KIAA1549L: variants seen among roughly 807,000 people sequenced by gnomAD.
KIAA1549L encodes the protein KIAA1549 like.
A neutral mutation model predicts 160.7 loss-of-function variants in KIAA1549L; 88 were observed. The ratio of observed to expected loss-of-function variants is 0.55; its 90% CI spans 0.46 to 0.65. KIAA1549L has a LOEUF of 0.65. Ranked by LOEUF, KIAA1549L falls within the 30% of genes least tolerant of loss-of-function variation. The pLI, the probability that KIAA1549L is intolerant of heterozygous loss-of-function variation, is 0.00. For synonymous variants in KIAA1549L, 950 were observed against 976.7 expected (o/e 0.97, Z 0.51); for missense variants, 2,258 against 2,437.5 (o/e 0.93, Z 1.55).
At chr11:33,529,017 A>G (rs1312530741) in intron 1 of KIAA1549L, among the ~76,000 whole-genome samples, 1 of 152,220 alleles carries the variant, frequency 6.6e-6, no homozygotes, top group Admixed American at 6.5e-5. Flanking sequence ...TAAAAAAGAA[A>G]AAGTTGACCA....
At chr11:33,534,915 C>T (rs1338979166) in intron 1 of KIAA1549L, among the ~76,000 whole-genome samples, 1 of 152,150 alleles carries the variant, frequency 6.6e-6, no homozygotes, top group Non-Finnish European at 1.5e-5. Flanking sequence ...TATTAGTTTT[C>T]TATTGCTATG....
intron 1 of KIAA1549L, among the ~76,000 whole-genome samples, chr11:33,383,464 C>G (rs551449584): frequency 1.3e-5 from 2 of 152,030 alleles, no homozygotes; most frequent in Non-Finnish European, 2.9e-5. Context: ...GACTTCAGGA[C>G]CAAAGGAGCA....
intron 17 of KIAA1549L, among the ~76,000 whole-genome samples, chr11:33,653,925 C>T (rs532653591): frequency 3.3e-5 from 5 of 151,236 alleles, no homozygotes; most frequent in Non-Finnish European, 4.4e-5. Context: ...AAGTTCTATT[C>T]TTTTTCAAAT....
chr11:33,411,732 G>A (rs897664059), intron 1 of KIAA1549L, among the ~76,000 whole-genome samples: 2 of 152,184 alleles, frequency 1.3e-5, no homozygotes, highest in African/African-American at 2.4e-5. Context: ...TCCAGCTATC[G>A]TGGAGTGTAT....
intron 16 of KIAA1549L, among the ~76,000 whole-genome samples, chr11:33,638,432 A>AT (rs1295932939): frequency 1.6e-4 from 3 of 19,146 alleles, no homozygotes; most frequent in East Asian, 4.1e-3. Flanking sequence ...TAAAAAAAAA[A>AT]AAAATAAATA....
At chr11:33,560,765 T>C (rs943865727) in intron 7 of KIAA1549L, among the ~76,000 whole-genome samples, 1 of 152,236 alleles carries the variant, frequency 6.6e-6, no homozygotes, top group Non-Finnish European at 1.5e-5. Flanking sequence ...CCTTCTGTAG[T>C]TGTTTTTGAT....
chr11:33,379,643 T>A (rs1233844957), intron 1 of KIAA1549L, among the ~76,000 whole-genome samples: 1 of 152,218 alleles, frequency 6.6e-6, no homozygotes, highest in Non-Finnish European at 1.5e-5. Flanking sequence ...ACAGGGATAG[T>A]GCTCATCTGT....
chr11:33,633,139 C>CTTTTTTTTTTTTTTT lies in KIAA1549L; in HGVS notation c.5410-12530_5410-12516dup, dbSNP rs56310347. Among the ~76,000 whole-genome samples, 17 of 50,732 alleles carry CTTTTTTTTTTTTTTT rather than the reference C, an allele frequency of 3.4e-4. 2 individuals are homozygous for CTTTTTTTTTTTTTTT. Among genetic ancestry groups the CTTTTTTTTTTTTTTT allele is most frequent in the African/African-American group, 9.3e-4 (11 of 11,778 alleles). 33.3% of individuals were successfully genotyped at this position (50,732 alleles called of 152,430 possible). On this transcript the variant is annotated intron_variant, in intron 16 of 20. Transcript: ENST00000658780. ...GACAGGTGCCCACCACCATGCCCAGCTTTTTTTTTTTTTTTTTTTTTTTTT... is the reference window on the plus strand; with the variant it reads ...GACAGGTGCCCACCACCATGCCCAGCTTTTTTTTTTTTTTTTTTTTTTTTTTTTTTTTTTTTTTTT...
intron 1 of KIAA1549L, among the ~76,000 whole-genome samples, chr11:33,432,611 A>G (rs1316446877): frequency 1.3e-5 from 2 of 152,172 alleles, no homozygotes; most frequent in Admixed American, 1.3e-4. Context: ...AGACAAAAAT[A>G]TGGGCATTCT....
rs75380541 is a variant in KIAA1549L at position 33,493,595 on chromosome 11, G to A, written c.239-48207G>A. Among the ~76,000 whole-genome samples, 1,071 of 152,286 alleles carry A rather than the reference G, an allele frequency of 7.0e-3. 16 individuals are homozygous for A. The highest frequency in any genetic ancestry group is 0.025 in the African/African-American group (1,033 of 41,552). ...TGTTTCCTATAGGGGAGAAAAGGAC[G>A]TGCATTTGTGTATCAACTAAATTGT... On this transcript the variant is annotated intron_variant, in intron 1 of 20. Transcript: ENST00000658780.
chr11:33,403,835 A>G (rs1285741164), intron 1 of KIAA1549L, among the ~76,000 whole-genome samples: 1 of 152,160 alleles, frequency 6.6e-6, no homozygotes, highest in East Asian at 1.9e-4. Flanking sequence ...ACTGTTCTTG[A>G]GGAGAGAGCT....
intron 1 of KIAA1549L, among the ~76,000 whole-genome samples, chr11:33,529,710 A>G (rs912133522): frequency 2.0e-5 from 3 of 152,228 alleles, no homozygotes; most frequent in Non-Finnish European, 4.4e-5. Flanking sequence ...TAAATCTTTT[A>G]TGATGGGGTG....
At chr11:33,444,489 C>T (rs548033351) in intron 1 of KIAA1549L, among the ~76,000 whole-genome samples, 19 of 152,260 alleles carry the variant, frequency 1.2e-4, no homozygotes, top group African/African-American at 4.3e-4. Flanking sequence ...TAATTGGTGT[C>T]AGCGATTGCT....
At chr11:33,472,554 G>A (rs1852202844) in intron 1 of KIAA1549L, among the ~76,000 whole-genome samples, 2 of 152,204 alleles carry the variant, frequency 1.3e-5, no homozygotes, top group African/African-American at 4.8e-5. Flanking sequence ...ATATTGGAGT[G>A]TTCTAATACT....
At chr11:33,575,483 C>A (rs1446369607) in intron 10 of KIAA1549L, among the ~76,000 whole-genome samples, 1 of 152,198 alleles carries the variant, frequency 6.6e-6, no homozygotes, top group Admixed American at 6.5e-5. Context: ...GTTACTTCAC[C>A]TAGATTTTCT....
chr11:33,474,976 G>C (rs533672823), intron 1 of KIAA1549L, among the ~76,000 whole-genome samples: 1 of 152,226 alleles, frequency 6.6e-6, no homozygotes, highest in East Asian at 1.9e-4. Context: ...GGAATTGAAA[G>C]CCTTGCAGAA....
At position 33,511,065 on chromosome 11, in the gene KIAA1549L, G is replaced by A. The variant is rs139504856; in HGVS notation, c.239-30737G>A. ...GAAGGCTAAACATTAGTTTTCCATGGCGTCAGTACAGCTAGAATGTGGGCT... is the reference window on the plus strand; with the variant it reads ...GAAGGCTAAACATTAGTTTTCCATGACGTCAGTACAGCTAGAATGTGGGCT... On this transcript the variant is annotated intron_variant, in intron 1 of 20. Coordinates refer to ENST00000658780, the MANE Select transcript of KIAA1549L (RefSeq NM_012194.3). Among the ~76,000 whole-genome samples the A allele has an allele frequency of 1.2e-3, 178 of 152,302 alleles. No homozygotes were observed. The South Asian group carries it at 0.025, about 21-fold the overall frequency.
intron 1 of KIAA1549L, among the ~76,000 whole-genome samples, chr11:33,395,330 A>T (rs1374475300): frequency 6.6e-6 from 1 of 152,190 alleles, no homozygotes; most frequent in African/African-American, 2.4e-5. Flanking sequence ...AACGCGCTTA[A>T]CTCTGTGAGT....
Position 33,590,594 on chromosome 11 carries a change from G to T in KIAA1549L, c.4567-643G>T, listed in dbSNP as rs140965124. On this transcript the variant is annotated intron_variant, in intron 11 of 20. Transcript: ENST00000658780. ...TATAGGAGAGCCAGCCTACTTAAGG[G>T]CGAAGTCTGGATTAAAGAGTGACTC... Among the ~76,000 whole-genome samples, 120 of 152,310 alleles carry T rather than the reference G, an allele frequency of 7.9e-4. No individual in the cohort carries two copies. In the East Asian group the frequency reaches 0.022, roughly 28 times the overall value.
Sources: allele counts gnomAD v4.1 joint callset (sites outside exome capture counted in the v4.1 genomes callset), GRCh38; gene constraint gnomAD v4.1.1; transcripts MANE v1.5; gene names NCBI Gene and HGNC (gene_info 2026-07-23, HGNC 2026-07-21).